DYNLT2B: variants seen among roughly 807,000 people sequenced by gnomAD.
DYNLT2B encodes the protein dynein light chain Tctex-type 2B, also known as dynein light chain Tctex-type protein 2B.
DYNLT2B carries 14 observed loss-of-function variants against 19.5 expected under a neutral mutation model. The observed-to-expected ratio is 0.72, with a 90% CI of 0.47 to 1.12. The LOEUF is 1.12. Among genes scored for constraint, DYNLT2B ranks in the 50% most tolerant of loss-of-function variants. The pLI is 0.00. For synonymous variants in DYNLT2B, 70 were observed against 59.7 expected (o/e 1.17, Z -0.79); for missense variants, 133 against 174.7 (o/e 0.76, Z 1.35).
At chr3:196,294,300 T>G (rs1424907424) in intron 4 of DYNLT2B, among the ~76,000 whole-genome samples, 6 of 152,156 alleles carry the variant, frequency 3.9e-5, no homozygotes, top group Non-Finnish European at 7.3e-5. Context: ...TGAGCTGAGA[T>G]TGTGCCATTG....
At chr3:196,310,532 G>A (rs1259729485) in intron 2 of DYNLT2B, among the ~76,000 whole-genome samples, 4 of 151,904 alleles carry the variant, frequency 2.6e-5, no homozygotes, top group Admixed American at 6.6e-5. Flanking sequence ...GGGTTCAAGC[G>A]ATTCTCCCAC....
chr3:196,310,426 T>C (rs1177995656), intron 2 of DYNLT2B, among the ~76,000 whole-genome samples: 1 of 149,168 alleles, frequency 6.7e-6, no homozygotes, highest in African/African-American at 2.5e-5. Flanking sequence ...TATGATTTTG[T>C]TTGATTTGGT....
chr3:196,312,612 C>T (rs866782509), intron 2 of DYNLT2B, among the ~76,000 whole-genome samples: 4 of 151,650 alleles, frequency 2.6e-5, no homozygotes, highest in Middle Eastern at 3.5e-3. Context: ...ATGCCCACTA[C>T]CACGCCCGGC....
chr3:196,291,446 C>G, intron 4 of DYNLT2B, 72 bp from the exon 5 acceptor site: 1 of 1,457,398 alleles, frequency 6.9e-7, no homozygotes, highest in Non-Finnish European at 9.3e-7. Context: ...GCAGCACAGG[C>G]AACTGAAACT....
At chr3:196,301,864 G>A (rs1172098859) in intron 3 of DYNLT2B, among the ~76,000 whole-genome samples, 1 of 151,882 alleles carries the variant, frequency 6.6e-6, no homozygotes, top group Non-Finnish European at 1.5e-5. Context: ...TACAATAACT[G>A]AAATTAAGAA....
At chr3:196,293,366 C>T (rs546179155) in intron 4 of DYNLT2B, among the ~76,000 whole-genome samples, 4 of 152,144 alleles carry the variant, frequency 2.6e-5, no homozygotes, top group African/African-American at 9.6e-5. Flanking sequence ...TGGCTCATGC[C>T]TGTAATCCCA....
intron 2 of DYNLT2B, among the ~76,000 whole-genome samples, chr3:196,307,716 C>T (rs1307595842): frequency 6.6e-6 from 1 of 151,884 alleles, no homozygotes; most frequent in Admixed American, 6.6e-5. Context: ...GCTGAACCTT[C>T]AAGATAGAGA....
At position 196,291,277 on chromosome 3, in the gene DYNLT2B, G is replaced by T; in HGVS notation, c.*50C>A. ...TCAAGATATTTAACAATATTAAAAA[G>T]TTCAGATTTCTTCATGGTCATGTCT... On this transcript the variant is annotated 3_prime_UTR_variant, in exon 5 of 5. Coordinates refer to ENST00000325318, the MANE Select transcript of DYNLT2B (RefSeq NM_152773.5). 1 of 1,539,118 alleles carries T rather than the reference G, an allele frequency of 6.5e-7. No homozygotes were observed. The highest frequency in any genetic ancestry group is 8.8e-7 in the Non-Finnish European group (1 of 1,132,062).
At chr3:196,314,469 A>AAAAAG (rs1726722535) in intron 2 of DYNLT2B, among the ~76,000 whole-genome samples, 1 of 139,312 alleles carries the variant, frequency 7.2e-6, no homozygotes, top group South Asian at 2.3e-4. Flanking sequence ...TCTCAAAAAG[A>AAAAAG]AAAAAAAAAA....
chr3:196,307,594 C>T (rs1024125437), intron 2 of DYNLT2B, among the ~76,000 whole-genome samples: 6 of 151,726 alleles, frequency 4.0e-5, no homozygotes, highest in African/African-American at 7.3e-5. Flanking sequence ...TGAGCCACCG[C>T]GCCCGGTCAG....
intron 1 of DYNLT2B, 73 bp downstream of exon 1, chr3:196,317,967 A>T: frequency 1.1e-6 from 1 of 875,386 alleles, no homozygotes; most frequent in Non-Finnish European, 1.5e-6. Context: ...TCCGTGGCCC[A>T]GGTCCCAGGC....
At chr3:196,300,420 T>C (rs1342545620) in intron 3 of DYNLT2B, among the ~76,000 whole-genome samples, 1 of 151,974 alleles carries the variant, frequency 6.6e-6, no homozygotes, top group African/African-American at 2.4e-5. Context: ...GTTGAAAGAC[T>C]TGGAGGGCTA....
intron 3 of DYNLT2B, among the ~76,000 whole-genome samples, chr3:196,302,586 A>G (rs1726382742): frequency 6.6e-6 from 1 of 152,238 alleles, no homozygotes; most frequent in African/African-American, 2.4e-5. Flanking sequence ...GACAGAATAC[A>G]TAAATAAATG....
intron 4 of DYNLT2B, among the ~76,000 whole-genome samples, chr3:196,293,338 T>C (rs1465922565): frequency 6.6e-6 from 1 of 152,032 alleles, no homozygotes; most frequent in Non-Finnish European, 1.5e-5. Flanking sequence ...TAAAGATGCA[T>C]TTTTTGGCCA....
chr3:196,310,833 T>A (rs1205800445), intron 2 of DYNLT2B, among the ~76,000 whole-genome samples: 1 of 152,060 alleles, frequency 6.6e-6, no homozygotes, highest in Admixed American at 6.6e-5. Context: ...CCTTCTGGGT[T>A]CAAGTGATTC....
chr3:196,301,759 T>G (rs4916477), intron 3 of DYNLT2B, among the ~76,000 whole-genome samples: 48,428 of 150,784 alleles, frequency 0.32, 8,813 homozygotes, highest in East Asian at 0.83. Flanking sequence ...AATGTAAAAA[T>G]AGAGTGGGGA....
intron 4 of DYNLT2B, among the ~76,000 whole-genome samples, chr3:196,291,580 G>A (rs1385975127): frequency 6.6e-6 from 1 of 152,096 alleles, no homozygotes; most frequent in Non-Finnish European, 1.5e-5. Flanking sequence ...CTACACTCAG[G>A]CAATCCTTCT....
At chr3:196,293,531 C>T (rs1185606488) in intron 4 of DYNLT2B, among the ~76,000 whole-genome samples, 1 of 151,490 alleles carries the variant, frequency 6.6e-6, no homozygotes, top group Non-Finnish European at 1.5e-5. Context: ...GAGGCTGGGG[C>T]AGGAGAATTA....
chr3:196,308,608 T>C (rs1197719102), intron 2 of DYNLT2B, among the ~76,000 whole-genome samples: 1 of 151,948 alleles, frequency 6.6e-6, no homozygotes. Context: ...ACAAAAGAAG[T>C]GAAATAAGCG....
Sources: allele counts gnomAD v4.1 joint callset (sites outside exome capture counted in the v4.1 genomes callset), GRCh38; gene constraint gnomAD v4.1.1; transcripts MANE v1.5; gene names NCBI Gene and HGNC (gene_info 2026-07-23, HGNC 2026-07-21).